The following GBP7 variants were observed in gnomAD, a reference collection of about 807,000 sequenced individuals.
The protein encoded by GBP7 is guanylate-binding protein 7.
Under a neutral mutation model 61.3 loss-of-function variants are expected in GBP7, and 43 were observed. The ratio of observed to expected loss-of-function variants is 0.70; its 90% CI spans 0.55 to 0.91. GBP7 has a LOEUF of 0.91. GBP7 is among the 40% of genes least tolerant of loss of function. The pLI, the probability that GBP7 is intolerant of heterozygous loss-of-function variation, is 0.00. For missense variants in GBP7, 717 were observed against 740.5 expected, an observed-to-expected ratio of 0.97 and a Z score of 0.37; for synonymous variants, 267 against 271.0, an observed-to-expected ratio of 0.99 and a Z score of 0.14.
intron 2 of GBP7, among the ~76,000 whole-genome samples, chr1:89,165,500 C>CAAA (rs373264074): frequency 3.3e-5 from 2 of 59,736 alleles, no homozygotes; most frequent in African/African-American, 1.0e-4. Flanking sequence ...GACTCCGTCT[C>CAAA]AAAAAAAAAG....
intron 8 of GBP7, among the ~76,000 whole-genome samples, chr1:89,146,873 A>G (rs779179089): frequency 4.6e-5 from 7 of 152,228 alleles, no homozygotes; most frequent in Admixed American, 3.3e-4. Context: ...TAGTATAGTC[A>G]TCATAGAACA....
intron 9 of GBP7, among the ~76,000 whole-genome samples, chr1:89,140,602 C>T (rs769410975): frequency 6.6e-6 from 1 of 152,098 alleles, no homozygotes; most frequent in Non-Finnish European, 1.5e-5. Context: ...TGCTGGTGGG[C>T]TTGTAAATTA....
At chr1:89,132,930 T>G (rs1013166986) in intron 10 of GBP7, among the ~76,000 whole-genome samples, 1 of 152,174 alleles carries the variant, frequency 6.6e-6, no homozygotes, top group Non-Finnish European at 1.5e-5. Context: ...TTTGGGTCCT[T>G]TTGATGGTTG....
chr1:89,168,786 A>G (rs1007705846), intron 2 of GBP7, among the ~76,000 whole-genome samples: 16 of 149,866 alleles, frequency 1.1e-4, no homozygotes, highest in Non-Finnish European at 2.1e-4. Context: ...AATACAAACA[A>G]CAACAACAAC....
intron 9 of GBP7, among the ~76,000 whole-genome samples, chr1:89,137,428 C>A (rs1009886543): frequency 1.3e-5 from 2 of 152,192 alleles, no homozygotes; most frequent in Admixed American, 6.5e-5. Flanking sequence ...CAAACCAAAT[C>A]CAGCAGCACA....
chr1:89,147,690 T>A lies in GBP7; in HGVS notation c.1242A>T (p.Ser414=), dbSNP rs1211729958. 1 of 1,614,198 alleles carries A rather than the reference T, an allele frequency of 6.2e-7. No homozygotes were observed. The highest frequency in any genetic ancestry group is 1.3e-5 in the African/African-American group (1 of 75,064). Residue 414 remains serine, a synonymous_variant, in exon 8 of 11, where the codon TCA becomes TCT. Coordinates refer to ENST00000294671, the MANE Select transcript of GBP7 (RefSeq NM_207398.3). ...KYCQAELKRL[S]ELLTESISRG... is the part of the protein sequence containing the mutation. ...TTGAAATACTTTCTGTCAAGAGCTC[T>A]GAAAGCCGCTTAAGCTCAGCCTGAC...
At chr1:89,141,769 T>G in intron 8 of GBP7, 121 bp from the exon 9 acceptor site, 69 of 704,896 alleles carry the variant, frequency 9.8e-5, no homozygotes, top group Non-Finnish European at 1.2e-4. Flanking sequence ...ATTCTTAAGA[T>G]TCCACAGTGG....
intron 2 of GBP7, among the ~76,000 whole-genome samples, chr1:89,169,106 A>G (rs1647529500): frequency 6.6e-6 from 1 of 152,150 alleles, no homozygotes; most frequent in Admixed American, 6.5e-5. Context: ...TGAGCAAGTA[A>G]CCTTAACTTA....
chr1:89,166,473 C>T (rs1231662879), intron 2 of GBP7, among the ~76,000 whole-genome samples: 1 of 152,066 alleles, frequency 6.6e-6, no homozygotes, highest in Non-Finnish European at 1.5e-5. Flanking sequence ...GTAACAGAAC[C>T]CACTGAAGTG....
intron 3 of GBP7, among the ~76,000 whole-genome samples, chr1:89,159,197 A>G (rs1682379777): frequency 6.6e-6 from 1 of 152,190 alleles, no homozygotes; most frequent in Non-Finnish European, 1.5e-5. Context: ...CTTACACCTT[A>G]TAAAAAAATT....
chr1:89,146,194 A>G (rs1682060471), intron 8 of GBP7, among the ~76,000 whole-genome samples: 1 of 152,214 alleles, frequency 6.6e-6, no homozygotes, highest in South Asian at 2.1e-4. Context: ...TCAAGAGTAC[A>G]CCATGAGAAA....
chr1:89,154,588 C>T (rs948815645), intron 3 of GBP7, among the ~76,000 whole-genome samples: 1 of 151,696 alleles, frequency 6.6e-6, no homozygotes, highest in African/African-American at 2.4e-5. Flanking sequence ...CTCAGGTGAT[C>T]CACCCACCTT....
intron 9 of GBP7, among the ~76,000 whole-genome samples, chr1:89,140,296 G>C (rs1200068308): frequency 1.7e-5 from 2 of 118,538 alleles, no homozygotes; most frequent in Non-Finnish European, 3.4e-5. Context: ...GTTGTGGGGT[G>C]GGGGGAGGGG....
chr1:89,135,477 C>T (rs1458687129), intron 9 of GBP7, among the ~76,000 whole-genome samples: 2 of 152,074 alleles, frequency 1.3e-5, no homozygotes, highest in Non-Finnish European at 2.9e-5. Context: ...CAAAGGGAAT[C>T]CCATCAAGCT....
At chr1:89,146,030 C>T (rs1682054808) in intron 8 of GBP7, among the ~76,000 whole-genome samples, 1 of 151,974 alleles carries the variant, frequency 6.6e-6, no homozygotes, top group African/African-American at 2.4e-5. Context: ...AAAAACAGAG[C>T]CAAAGGCATC....
intron 2 of GBP7, among the ~76,000 whole-genome samples, chr1:89,165,781 AG>A (rs1647409142): frequency 1.3e-5 from 2 of 149,664 alleles, no homozygotes; most frequent in Admixed American, 1.3e-4. Flanking sequence ...GGTGGGGGCT[AG>A]GGGAGGGATA....
chr1:89,141,555 C>T lies in GBP7; in HGVS notation c.1459G>A (p.Ala487Thr), dbSNP rs997542417. 1 of 1,613,656 alleles carries T rather than the reference C, an allele frequency of 6.2e-7. No individual in the cohort carries two copies. Among genetic ancestry groups the T allele is most frequent in the Non-Finnish European group, 8.5e-7 (1 of 1,179,706 alleles). Residue 487 changes from alanine to threonine, a missense_variant, in exon 9 of 11, where the codon GCC becomes ACC. Transcript: ENST00000294671. ...SDKALTAGEK[A>T]IAAKQAKKEA... ...AGCCCTGCCCCTGTACCTGCTATGG[C>T]CTTCTCTCCAGCAGTGAGGGCTTTG...
chr1:89,147,661 C>A lies in GBP7; in HGVS notation c.1271G>T (p.Gly424Val). 6.2e-7 allele frequency: 1 copy of A among 1,614,126 alleles called. No individual in the cohort carries two copies. Among genetic ancestry groups the A allele is most frequent in the South Asian group, 1.1e-5 (1 of 91,074 alleles). Residue 424 changes from glycine (G) to valine (V), a missense_variant, in exon 8 of 11, where the codon GGA becomes GTA. This residue lies in a region of GBP7 where 312 missense variants were observed against 310.1 expected (regional missense o/e 1.01). Coordinates refer to ENST00000294671, the MANE Select transcript of GBP7 (RefSeq NM_207398.3). The part of the protein sequence containing the change: ...SELLTESISR[G>V]TFFVPGGHNI... ...GTGCCCCCCCGGAACAAAGAAAGTTCCTCTTGAAATACTTTCTGTCAAGAG... is the reference window on the plus strand; with the variant it reads ...GTGCCCCCCCGGAACAAAGAAAGTTACTCTTGAAATACTTTCTGTCAAGAG...
intron 2 of GBP7, among the ~76,000 whole-genome samples, chr1:89,166,832 C>T (rs1337927428): frequency 6.6e-6 from 1 of 152,208 alleles, no homozygotes; most frequent in Non-Finnish European, 1.5e-5. Context: ...AATCAGAGTC[C>T]CTGCAATCAG....
Sources: gnomAD v4.1 joint callset for allele counts (sites outside exome capture counted in the v4.1 genomes callset) on GRCh38, gnomAD v4.1.1 for gene constraint, gnomAD v4.1.1 regional missense constraint, MANE v1.5 for transcripts, NCBI Gene and HGNC (gene_info 2026-07-23, HGNC 2026-07-21) for gene names.